The following CREB5 variants were observed in gnomAD, a reference collection of about 807,000 sequenced individuals.
CREB5 encodes the protein cyclic AMP-responsive element-binding protein 5.
In CREB5, 19 loss-of-function variants were observed where a neutral mutation model predicts 57.1. That is an observed-to-expected ratio of 0.33 (90% CI 0.23 to 0.49). The LOEUF (loss-of-function observed/expected upper bound fraction) is 0.49. Ranked by LOEUF, CREB5 falls within the 20% of genes least tolerant of loss-of-function variation. The pLI, the probability that CREB5 is intolerant of heterozygous loss-of-function variation, is 0.99. For missense variants in CREB5, 579 were observed against 671.6 expected, an observed-to-expected ratio of 0.86 and a Z score of 1.52; for synonymous variants, 238 against 238.3, an observed-to-expected ratio of 1.00 and a Z score of 0.01.
intron 1 of CREB5, among the ~76,000 whole-genome samples, chr7:28,376,296 G>A (rs191232632): frequency 6.8e-6 from 1 of 147,556 alleles, no homozygotes; most frequent in Admixed American, 6.8e-5. Context: ...TTTTGAGACG[G>A]AGTCTTGCTC....
intron 5 of CREB5, among the ~76,000 whole-genome samples, chr7:28,683,396 G>A (rs1800698757): frequency 6.6e-6 from 1 of 152,146 alleles, no homozygotes; most frequent in Non-Finnish European, 1.5e-5. Flanking sequence ...AACAACAAGT[G>A]CAAATGTAAA....
At chr7:28,755,022 A>T (rs1210273686) in intron 7 of CREB5, among the ~76,000 whole-genome samples, 1 of 152,192 alleles carries the variant, frequency 6.6e-6, no homozygotes, top group East Asian at 1.9e-4. Flanking sequence ...AATGGGTAAG[A>T]TTGACTCTTT....
intron 4 of CREB5, among the ~76,000 whole-genome samples, chr7:28,542,395 CAA>C (rs1196421415): frequency 1.3e-5 from 2 of 152,154 alleles, no homozygotes; most frequent in African/African-American, 4.8e-5. Context: ...CAGAGGGAAA[CAA>C]AGATTGATTA....
At chr7:28,560,879 C>CATGCGCGTGTGT (rs1795131222) in intron 4 of CREB5, among the ~76,000 whole-genome samples, 8 of 22,052 alleles carry the variant, frequency 3.6e-4, no homozygotes, top group African/African-American at 6.3e-4. Context: ...CGTGCGCGTG[C>CATGCGCGTGTGT]GTGCGTGCGT....
chr7:28,724,538 G>A (rs932863313), intron 7 of CREB5: 21 of 542,554 alleles, frequency 3.9e-5, no homozygotes, highest in South Asian at 4.4e-5. Context: ...CACTGGATTG[G>A]CAAGTGGTAT....
chr7:28,728,365 T>C (rs1429527176), intron 7 of CREB5, among the ~76,000 whole-genome samples: 1 of 152,220 alleles, frequency 6.6e-6, no homozygotes, highest in African/African-American at 2.4e-5. Context: ...GATCACAACA[T>C]TGATCCTTTG....
intron 7 of CREB5, among the ~76,000 whole-genome samples, chr7:28,757,476 T>C (rs1700063430): frequency 6.6e-6 from 1 of 151,938 alleles, no homozygotes; most frequent in African/African-American, 2.4e-5. Flanking sequence ...ATCGAGACCA[T>C]CCTGGCTAAC....
At chr7:28,583,987 C>G (rs1453549672) in intron 5 of CREB5, among the ~76,000 whole-genome samples, 1 of 152,086 alleles carries the variant, frequency 6.6e-6, no homozygotes, top group Non-Finnish European at 1.5e-5. Context: ...ACAGCCTCCA[C>G]CTTCAACCTG....
intron 4 of CREB5, among the ~76,000 whole-genome samples, chr7:28,560,029 A>C (rs753333994): frequency 6.6e-6 from 1 of 152,258 alleles, no homozygotes; most frequent in Non-Finnish European, 1.5e-5. Flanking sequence ...AGAGGATGTC[A>C]GAGCAGAGAA....
chr7:28,378,030 T>G (rs1054824650), intron 1 of CREB5, among the ~76,000 whole-genome samples: 1 of 152,174 alleles, frequency 6.6e-6, no homozygotes, highest in African/African-American at 2.4e-5. Context: ...TACACTTTTG[T>G]TAAAACAGCT....
At chr7:28,732,844 T>TC (rs141667122) in intron 7 of CREB5, among the ~76,000 whole-genome samples, 2 of 41,148 alleles carry the variant, frequency 4.9e-5, no homozygotes, top group East Asian at 2.6e-4. Flanking sequence ...TTTAGGGTTG[T>TC]TTTTTTTTTT....
At chr7:28,358,868 A>G (rs1284541167) in intron 1 of CREB5, among the ~76,000 whole-genome samples, 1 of 152,146 alleles carries the variant, frequency 6.6e-6, no homozygotes, top group East Asian at 1.9e-4. Context: ...TAGTTCTTTG[A>G]GGTGCAAAGT....
Position 28,582,330 on chromosome 7 carries a change from C to T in CREB5, c.464+11793C>T, listed in dbSNP as rs147899908. On this transcript the variant is annotated intron_variant, in intron 5 of 10. Transcript: ENST00000357727. ...TCATCAGCAAGGAGTTTAATAAAGACAGAACTTTAATTTGTTCATTCTCAA... is the reference window on the plus strand; with the variant it reads ...TCATCAGCAAGGAGTTTAATAAAGATAGAACTTTAATTTGTTCATTCTCAA... Among the ~76,000 whole-genome samples, 143 of 152,230 alleles carry T rather than the reference C, an allele frequency of 9.4e-4. 2 individuals are homozygous for T. Among genetic ancestry groups the T allele is most frequent in the African/African-American group, 3.3e-3 (136 of 41,548 alleles).
At chr7:28,373,966 G>A (rs897645006) in intron 1 of CREB5, among the ~76,000 whole-genome samples, 1 of 151,038 alleles carries the variant, frequency 6.6e-6, no homozygotes, top group African/African-American at 2.4e-5. Context: ...TGCCCGGCAG[G>A]GACACACCAG....
At chr7:28,330,401 C>CTT (rs10699932) in intron 1 of CREB5, among the ~76,000 whole-genome samples, 14,621 of 88,126 alleles carry the variant, frequency 0.17, 1,596 homozygotes, top group African/African-American at 0.19. Context: ...GAGAACCTTA[C>CTT]TTTTTTTTTT....
chr7:28,709,866 AGTCC>A, intron 5 of CREB5, among the ~76,000 whole-genome samples: 1 of 152,214 alleles, frequency 6.6e-6, no homozygotes, highest in South Asian at 2.1e-4. Flanking sequence ...AATATCGATA[AGTCC>A]GTGCGAAGCA....
At chr7:28,758,767 G>A (rs1805481439) in intron 7 of CREB5, among the ~76,000 whole-genome samples, 3 of 152,156 alleles carry the variant, frequency 2.0e-5, no homozygotes, top group Non-Finnish European at 2.9e-5. Flanking sequence ...ACCCAAAGTC[G>A]AGCACAAAGT....
chr7:28,757,329 T>C (rs903990560), intron 7 of CREB5, among the ~76,000 whole-genome samples: 2 of 152,170 alleles, frequency 1.3e-5, no homozygotes, highest in African/African-American at 2.4e-5. Context: ...CTTTAACTAC[T>C]ATGCCACTGT....
At position 28,354,328 on chromosome 7, in the gene CREB5, C is replaced by T. The variant is rs573898186; in HGVS notation, c.-25+54887C>T. Among the ~76,000 whole-genome samples, 431 of 152,216 alleles carry T rather than the reference C, an allele frequency of 2.8e-3. 3 individuals are homozygous for T. The highest frequency in any genetic ancestry group is 4.9e-3 in the Non-Finnish European group (336 of 68,008). On this transcript the variant is annotated intron_variant, in intron 1 of 9. Coordinates refer to the CREB5 transcript ENST00000396299. ...TGGGCACCATCTAATCAGCTGCCAGCGCAGCCAGGATATAAAACAGCCAGG... is the reference window on the plus strand; with the variant it reads ...TGGGCACCATCTAATCAGCTGCCAGTGCAGCCAGGATATAAAACAGCCAGG...
Sources: allele counts gnomAD v4.1 joint callset (sites outside exome capture counted in the v4.1 genomes callset), GRCh38; gene constraint gnomAD v4.1.1; transcripts MANE v1.5; gene names NCBI Gene and HGNC (gene_info 2026-07-23, HGNC 2026-07-21).